The following ADAMTS17 variants were observed in gnomAD, a reference collection of about 807,000 sequenced individuals.
The protein encoded by ADAMTS17 is A disintegrin and metalloproteinase with thrombospondin motifs 17.
ADAMTS17 carries 113 observed loss-of-function variants against 141.5 expected under a neutral mutation model. The ratio of observed to expected loss-of-function variants is 0.80; its 90% CI spans 0.69 to 0.93. The LOEUF (loss-of-function observed/expected upper bound fraction) is 0.93, where lower values mean the gene tolerates loss of function less well. ADAMTS17 is among the 40% of genes least tolerant of loss of function. ADAMTS17 has a pLI of 0.00. For missense variants in ADAMTS17, 1,659 were observed against 1,517.9 expected, an observed-to-expected ratio of 1.09 and a Z score of -1.54; for synonymous variants, 768 against 630.6, an observed-to-expected ratio of 1.22 and a Z score of -3.27.
intron 20 of ADAMTS17, among the ~76,000 whole-genome samples, chr15:99,984,973 C>T (rs1418582680): frequency 6.6e-6 from 1 of 152,236 alleles, no homozygotes; most frequent in African/African-American, 2.4e-5. Flanking sequence ...AGGCACTGGC[C>T]TTTGGACCAT....
intron 7 of ADAMTS17, among the ~76,000 whole-genome samples, chr15:100,223,485 T>C (rs73479375): frequency 0.13 from 19,204 of 151,978 alleles, 1,331 homozygotes; most frequent in African/African-American, 0.18. Context: ...CCTGAGCTCA[T>C]CTCACGGGGG....
chr15:100,230,103 T>G (rs578221034), intron 7 of ADAMTS17, among the ~76,000 whole-genome samples: 6 of 152,360 alleles, frequency 3.9e-5, no homozygotes, highest in Non-Finnish European at 5.9e-5. Flanking sequence ...ACCGGGCACT[T>G]AAACATAACC....
At chr15:100,292,427 AC>A (rs1173466363) in intron 3 of ADAMTS17, among the ~76,000 whole-genome samples, 1 of 150,400 alleles carries the variant, frequency 6.6e-6, no homozygotes, top group African/African-American at 2.5e-5. Flanking sequence ...AGAGACACTC[AC>A]CCCGTGTTAG....
intron 4 of ADAMTS17, among the ~76,000 whole-genome samples, chr15:100,271,784 T>G (rs1194949651): frequency 6.6e-6 from 1 of 152,244 alleles, no homozygotes; most frequent in East Asian, 1.9e-4. Context: ...GCTTTTGGTG[T>G]TGTATCCAAG....
intron 7 of ADAMTS17, among the ~76,000 whole-genome samples, chr15:100,233,699 C>A (rs950341543): frequency 1.3e-4 from 20 of 152,156 alleles, no homozygotes; most frequent in Non-Finnish European, 2.5e-4. Flanking sequence ...CCGCTTCTGT[C>A]TCTCTGAGGA....
At chr15:100,136,067 G>A (rs953794127) in intron 10 of ADAMTS17, among the ~76,000 whole-genome samples, 3 of 152,152 alleles carry the variant, frequency 2.0e-5, no homozygotes, top group African/African-American at 4.8e-5. Context: ...CCAGCAATTC[G>A]AATCCTAAGT....
intron 4 of ADAMTS17, among the ~76,000 whole-genome samples, chr15:100,280,068 C>T (rs939981365): frequency 2.0e-5 from 3 of 152,138 alleles, no homozygotes; most frequent in Non-Finnish European, 2.9e-5. Flanking sequence ...CCAGGCAGTG[C>T]TACTCACTCC....
At chr15:100,048,344 G>T (rs1459780219) in intron 18 of ADAMTS17, among the ~76,000 whole-genome samples, 1 of 152,152 alleles carries the variant, frequency 6.6e-6, no homozygotes, top group Admixed American at 6.5e-5. Flanking sequence ...GACAACCCAA[G>T]AGAGTCCACA....
intron 11 of ADAMTS17, among the ~76,000 whole-genome samples, chr15:100,132,526 G>C (rs986702697): frequency 7.9e-5 from 12 of 152,230 alleles, no homozygotes; most frequent in Non-Finnish European, 1.6e-4. Context: ...TTGTGAACCT[G>C]AGAGTTGTGT....
rs557293294 is a variant in ADAMTS17, at chr15:99,984,029, C to T, written c.2950-7807G>A. Among the ~76,000 whole-genome samples, 4 of 152,270 alleles carry T rather than the reference C, an allele frequency of 2.6e-5. No individual in the cohort carries two copies. In the South Asian group the frequency reaches 8.3e-4, roughly 32 times the overall value. On this transcript the variant is annotated intron_variant, in intron 20 of 21. Transcript: ENST00000268070. ...TGAAAACACCCACTCCCTGTGCCGT[C>T]GCTGGGAAACAGGAAATGCTTCCCA...
chr15:100,233,307 G>T (rs2042547457), intron 7 of ADAMTS17, among the ~76,000 whole-genome samples: 1 of 149,500 alleles, frequency 6.7e-6, no homozygotes, highest in Non-Finnish European at 1.5e-5. Flanking sequence ...TCCAGCCTGG[G>T]CAACAAGAGT....
At chr15:100,192,201 C>A (rs375468175) in intron 8 of ADAMTS17, among the ~76,000 whole-genome samples, 1 of 152,224 alleles carries the variant, frequency 6.6e-6, no homozygotes, top group African/African-American at 2.4e-5. Context: ...CTCCAAGCTC[C>A]GCTGAGGGAA....
Position 100,134,788 on chromosome 15 carries a change from A to G in ADAMTS17, c.1474-1473T>C, listed in dbSNP as rs149897526. Among the ~76,000 whole-genome samples, 41 of 152,324 alleles carry G rather than the reference A, an allele frequency of 2.7e-4. No homozygotes were observed. In the East Asian group the frequency reaches 6.0e-3, roughly 22 times the overall value. The stretch of plus-strand genomic sequence containing the variant: ...TCATTTTTCACGTATGTCGGAGCTG[A>G]TCTGTGCCCTTTAGGAAGTGGATGG... On this transcript the variant is annotated intron_variant, in intron 10 of 21. Coordinates refer to ENST00000268070, the MANE Select transcript of ADAMTS17 (RefSeq NM_139057.4).
chr15:100,022,980 T>C (rs549361994), intron 18 of ADAMTS17, among the ~76,000 whole-genome samples: 1 of 152,190 alleles, frequency 6.6e-6, no homozygotes, highest in African/African-American at 2.4e-5. Flanking sequence ...CACTGCTTCT[T>C]CTTGAATTTT....
chr15:100,261,681 G>A lies in ADAMTS17; in HGVS notation c.874-45C>T, dbSNP rs775182209. Reference sequence around the variant, plus strand: ...AGTTAGAGAAACAAACGCCTGGGAGGCCAGAGTTTATTTCCAGACTATGAC... The same window carrying A: ...AGTTAGAGAAACAAACGCCTGGGAGACCAGAGTTTATTTCCAGACTATGAC... On this transcript the variant is annotated intron_variant, in intron 5 of 21. Coordinates refer to ENST00000268070, the MANE Select transcript of ADAMTS17 (RefSeq NM_139057.4). The A allele has an allele frequency of 2.5e-6, 4 of 1,589,488 alleles. No individual in the cohort carries two copies. The South Asian group carries it at 3.4e-5, about 14-fold the overall frequency.
intron 15 of ADAMTS17, among the ~76,000 whole-genome samples, chr15:100,070,629 C>T (rs2033900788): frequency 6.7e-6 from 1 of 150,028 alleles, no homozygotes; most frequent in Non-Finnish European, 1.5e-5. Flanking sequence ...GAACAACCTG[C>T]TCCTGAATGA....
chr15:100,280,075 C>T (rs1307381770), intron 4 of ADAMTS17, among the ~76,000 whole-genome samples: 1 of 152,140 alleles, frequency 6.6e-6, no homozygotes, highest in Non-Finnish European at 1.5e-5. Context: ...GTGCTACTCA[C>T]TCCGCTACTT....
intron 4 of ADAMTS17, among the ~76,000 whole-genome samples, chr15:100,280,086 C>CA (rs2044231270): frequency 6.6e-6 from 1 of 152,192 alleles, no homozygotes; most frequent in African/African-American, 2.4e-5. Flanking sequence ...TCCGCTACTT[C>CA]AGCTGCTGCT....
intron 4 of ADAMTS17, among the ~76,000 whole-genome samples, chr15:100,270,824 C>A (rs1264786021): frequency 7.1e-6 from 1 of 140,190 alleles, no homozygotes; most frequent in East Asian, 2.6e-4. Context: ...TATATTCACA[C>A]TGTTATACAC....
Sources: gnomAD v4.1 joint callset for allele counts (sites outside exome capture counted in the v4.1 genomes callset) on GRCh38, gnomAD v4.1.1 for gene constraint, MANE v1.5 for transcripts, NCBI Gene and HGNC (gene_info 2026-07-23, HGNC 2026-07-21) for gene names.